Variants in EDA observed in about 807,000 individuals in gnomAD.
EDA encodes the protein ectodysplasin A.
In EDA, 2 loss-of-function variants were observed where a neutral mutation model predicts 23.6. The ratio of observed to expected loss-of-function variants is 0.08; its 90% CI spans 0.03 to 0.27. EDA has a LOEUF of 0.27. Ranked by LOEUF, EDA falls within the 10% of genes least tolerant of loss-of-function variation. The pLI is 1.00. For missense variants in EDA, 229 were observed against 324.2 expected, an observed-to-expected ratio of 0.71 and a Z score of 2.26; for synonymous variants, 131 against 132.0, an observed-to-expected ratio of 0.99 and a Z score of 0.05.
At chrX:69,818,139 T>C (rs1569342114) in intron 1 of EDA, among the ~76,000 whole-genome samples, 1 of 111,683 alleles carries the variant, frequency 9.0e-6, no homozygotes, top group Non-Finnish European at 1.9e-5. Context: ...ATAATGAAAT[T>C]AAAGCAGAAG....
chrX:69,841,590 A>G (rs1180825266), intron 1 of EDA, among the ~76,000 whole-genome samples: 2 of 111,194 alleles, frequency 1.8e-5, no homozygotes, highest in East Asian at 2.8e-4. Context: ...AGCTCAAGCA[A>G]TCCTCTCACC....
chrX:69,889,722 C>T (rs966028127), intron 1 of EDA, among the ~76,000 whole-genome samples: 2 of 111,674 alleles, frequency 1.8e-5, no homozygotes, highest in African/African-American at 6.5e-5. Flanking sequence ...TATTTTCTCT[C>T]ATTCTGTAGG....
intron 1 of EDA, among the ~76,000 whole-genome samples, chrX:69,831,490 C>T (rs966964470): frequency 7.1e-5 from 8 of 112,420 alleles, no homozygotes; most frequent in African/African-American, 9.7e-5. Context: ...CAAGTCTTTG[C>T]TATTGTGAAT....
chrX:69,835,603 A>G (rs1323142887), intron 1 of EDA, among the ~76,000 whole-genome samples: 2 of 111,348 alleles, frequency 1.8e-5, no homozygotes, highest in Admixed American at 1.9e-4. Flanking sequence ...TATTCTAGTT[A>G]GCCGTTTGTC....
intron 1 of EDA, 28 bp downstream of exon 1, chrX:69,616,732 GC>G: frequency 8.3e-7 from 1 of 1,210,779 alleles, no homozygotes; most frequent in Non-Finnish European, 1.1e-6. Flanking sequence ...GGCGGCGGCG[GC>G]CCCCTCCCCT....
At chrX:69,636,312 G>T (rs1034313796) in intron 1 of EDA, among the ~76,000 whole-genome samples, 3 of 110,163 alleles carry the variant, frequency 2.7e-5, no homozygotes, top group Non-Finnish European at 5.7e-5. Context: ...CTTCCAGCAT[G>T]ATTTTAAGCT....
At chrX:69,824,507 G>A (rs1437606231) in intron 1 of EDA, among the ~76,000 whole-genome samples, 1 of 110,381 alleles carries the variant, frequency 9.1e-6, no homozygotes, top group Admixed American at 9.7e-5. Flanking sequence ...TTTGTCTGCT[G>A]TTGGTGTATA....
chrX:69,810,996 A>G (rs1179327042), intron 1 of EDA, among the ~76,000 whole-genome samples: 1 of 111,658 alleles, frequency 9.0e-6, no homozygotes, highest in Non-Finnish European at 1.9e-5. Flanking sequence ...AGCCTTGAGG[A>G]CCAGAATCTG....
Position 70,017,669 on chromosome X carries a change from C to T in EDA, c.503-5549C>T, listed in dbSNP as rs770425005. 4.5e-5 allele frequency among the ~76,000 whole-genome samples: 5 copies of T among 111,713 alleles called. No homozygotes were observed. In the East Asian group the frequency reaches 1.4e-3, roughly 31 times the overall value. Reference sequence around the variant, plus strand: ...ACAGCACCACTTCATGTTAAAAATCCTCAACAAACTAGGCATTGAAGGAAC... The same window carrying T: ...ACAGCACCACTTCATGTTAAAAATCTTCAACAAACTAGGCATTGAAGGAAC... On this transcript the variant is annotated intron_variant, in intron 2 of 7. Coordinates refer to ENST00000374552, the MANE Select transcript of EDA (RefSeq NM_001399.5).
At chrX:69,937,082 G>T in intron 1 of EDA, 1 of 665,216 alleles carries the variant, frequency 1.5e-6, no homozygotes, top group Non-Finnish European at 2.3e-6. Flanking sequence ...TTGTTCAAAG[G>T]ATTCAACCAG....
intron 1 of EDA, among the ~76,000 whole-genome samples, chrX:69,910,700 T>G (rs2018253763): frequency 9.0e-6 from 1 of 111,493 alleles, no homozygotes; most frequent in Non-Finnish European, 1.9e-5. Context: ...CTGACTATTT[T>G]GTCATTTCCA....
intron 2 of EDA, among the ~76,000 whole-genome samples, chrX:69,968,925 C>T (rs775702944): frequency 2.7e-5 from 3 of 112,311 alleles, no homozygotes; most frequent in Non-Finnish European, 5.6e-5. Flanking sequence ...GTACCAAGGA[C>T]GCTTTGCTGT....
chrX:69,712,350 T>C (rs1227022877), intron 1 of EDA, among the ~76,000 whole-genome samples: 1 of 111,763 alleles, frequency 8.9e-6, no homozygotes, highest in Non-Finnish European at 1.9e-5. Context: ...GCAGTTCATA[T>C]TTGTCTCTTG....
chrX:69,884,017 T>C (rs2017790654), intron 1 of EDA, among the ~76,000 whole-genome samples: 1 of 110,866 alleles, frequency 9.0e-6, no homozygotes, highest in African/African-American at 3.3e-5. Flanking sequence ...TGAGCTATGA[T>C]TGCACCACTG....
intron 1 of EDA, among the ~76,000 whole-genome samples, chrX:69,734,180 C>T (rs1250079481): frequency 9.0e-6 from 1 of 111,359 alleles, no homozygotes; most frequent in African/African-American, 3.3e-5. Flanking sequence ...ATTTGTGTCT[C>T]TCAAGAAATT....
chrX:69,909,226 G>A (rs969945092), intron 1 of EDA, among the ~76,000 whole-genome samples: 2 of 111,468 alleles, frequency 1.8e-5, no homozygotes, highest in South Asian at 7.5e-4. Flanking sequence ...TACACCTGTA[G>A]TGATAATCAG....
chrX:69,933,592 G>A (rs998335119), intron 1 of EDA, among the ~76,000 whole-genome samples: 4 of 110,575 alleles, frequency 3.6e-5, no homozygotes, highest in Non-Finnish European at 7.6e-5. Context: ...CAGGAGAATC[G>A]CTTGAACCCG....
chrX:69,764,327 C>T (rs1380643532), intron 1 of EDA, among the ~76,000 whole-genome samples: 1 of 102,322 alleles, frequency 9.8e-6, no homozygotes, highest in Non-Finnish European at 2.0e-5. Flanking sequence ...ACTGCAACCT[C>T]CGCCTCCTGG....
chrX:69,936,469 A>T (rs2018675215), intron 1 of EDA, among the ~76,000 whole-genome samples: 1 of 111,835 alleles, frequency 8.9e-6, no homozygotes, highest in South Asian at 3.7e-4. Context: ...AAGATTAAAC[A>T]TTATGTACAG....
Sources: allele counts gnomAD v4.1 joint callset (sites outside exome capture counted in the v4.1 genomes callset), GRCh38; gene constraint gnomAD v4.1.1; transcripts MANE v1.5; gene names NCBI Gene and HGNC (gene_info 2026-07-23, HGNC 2026-07-21).